The following CATSPERT variants were observed in gnomAD, a reference collection of about 807,000 sequenced individuals.
The protein encoded by CATSPERT is cation channel sperm-associated targeting subunit tau.
At chr2:201,613,111 T>G in the CATSPERT span, among the ~76,000 whole-genome samples, 1 of 152,304 alleles carries the variant, frequency 6.6e-6, no homozygotes, top group East Asian at 1.9e-4. Context: ...CTCTGTAGAC[T>G]CCACCTCTGG....
the CATSPERT span, among the ~76,000 whole-genome samples, chr2:201,580,615 G>A: frequency 2.0e-5 from 3 of 152,122 alleles, no homozygotes; most frequent in African/African-American, 7.2e-5. Context: ...AAGTTATTCT[G>A]AAGTTGGGCA....
At chr2:201,591,124 G>A in the CATSPERT span, among the ~76,000 whole-genome samples, 1 of 151,698 alleles carries the variant, frequency 6.6e-6, no homozygotes, top group African/African-American at 2.4e-5. Flanking sequence ...TAGGTCTAAC[G>A]TTTTAAGTCT....
chr2:201,502,758 G>A, the CATSPERT span, among the ~76,000 whole-genome samples: 12 of 152,064 alleles, frequency 7.9e-5, no homozygotes, highest in Non-Finnish European at 1.5e-4. Flanking sequence ...GAGCTTCTCA[G>A]ATATGTGGGT....
At chr2:201,610,330 C>T in the CATSPERT span, among the ~76,000 whole-genome samples, 46 of 152,006 alleles carry the variant, frequency 3.0e-4, no homozygotes, top group Non-Finnish European at 5.9e-4. Context: ...TGGTGGCGGG[C>T]GCCTGTAGTC....
At chr2:201,600,022 G>T in the CATSPERT span, among the ~76,000 whole-genome samples, 2 of 152,156 alleles carry the variant, frequency 1.3e-5, no homozygotes, top group African/African-American at 2.4e-5. Flanking sequence ...TGTCTTCACA[G>T]TGTGGCGATT....
At chr2:201,583,286 T>A in the CATSPERT span, among the ~76,000 whole-genome samples, 5 of 152,220 alleles carry the variant, frequency 3.3e-5, no homozygotes, top group Admixed American at 3.3e-4. Flanking sequence ...CCAACCATCC[T>A]CCCAGAAAGC....
At chr2:201,592,251 G>A in the CATSPERT span, among the ~76,000 whole-genome samples, 2 of 150,804 alleles carry the variant, frequency 1.3e-5, no homozygotes, top group Non-Finnish European at 3.0e-5. Flanking sequence ...TGTGGTTTTT[G>A]TCTTTGGTTC....
At chr2:201,497,947 T>C in the CATSPERT span, among the ~76,000 whole-genome samples, 343 of 151,886 alleles carry the variant, frequency 2.3e-3, 3 homozygotes, top group African/African-American at 7.8e-3. Context: ...TTTGAGAAAA[T>C]ACAGAAAATA....
At chr2:201,496,068 A>G in the CATSPERT span, 1 of 763,884 alleles carries the variant, frequency 1.3e-6, no homozygotes, top group East Asian at 2.9e-5. Context: ...AAAATTTTTA[A>G]ACCTAAATAT....
chr2:201,494,009 C>T, the CATSPERT span: 4 of 1,536,290 alleles, frequency 2.6e-6, no homozygotes, highest in African/African-American at 1.4e-5. Context: ...ACTTGACCAC[C>T]TTCTAAAAGT....
the CATSPERT span, among the ~76,000 whole-genome samples, chr2:201,580,152 A>G: frequency 6.6e-6 from 1 of 152,202 alleles, no homozygotes; most frequent in Non-Finnish European, 1.5e-5. Context: ...AGCCAGGTTA[A>G]ACATTTTTGA....
chr2:201,565,839 T>C, the CATSPERT span: 1 of 1,609,914 alleles, frequency 6.2e-7, no homozygotes. Flanking sequence ...ATAAGAATGC[T>C]GGATATTCTA....
the CATSPERT span, among the ~76,000 whole-genome samples, chr2:201,518,263 A>G: frequency 1.1e-4 from 16 of 152,222 alleles, no homozygotes; most frequent in African/African-American, 3.9e-4. Context: ...TTTGACTGCC[A>G]AAAGGACTGC....
the CATSPERT span, among the ~76,000 whole-genome samples, chr2:201,541,175 T>C: frequency 6.6e-6 from 1 of 152,164 alleles, no homozygotes; most frequent in African/African-American, 2.4e-5. Context: ...TTTCTTGAGA[T>C]GGAATCTACT....
At chr2:201,559,848 A>G in the CATSPERT span, among the ~76,000 whole-genome samples, 1 of 152,208 alleles carries the variant, frequency 6.6e-6, no homozygotes, top group South Asian at 2.1e-4. Context: ...ATGCATAGAA[A>G]TCAATGTAGG....
At chr2:201,501,674 A>G in the CATSPERT span, among the ~76,000 whole-genome samples, 5 of 152,178 alleles carry the variant, frequency 3.3e-5, no homozygotes, top group Non-Finnish European at 7.4e-5. Flanking sequence ...AGAAAAAAAG[A>G]AAGACTCAAA....
the CATSPERT span, among the ~76,000 whole-genome samples, chr2:201,518,163 T>C: frequency 4.0e-4 from 61 of 152,310 alleles, no homozygotes; most frequent in African/African-American, 1.3e-3. Context: ...ACATGCCACA[T>C]CCTGTGCCCA....
the CATSPERT span, among the ~76,000 whole-genome samples, chr2:201,606,201 A>G: frequency 1.3e-5 from 2 of 152,250 alleles, no homozygotes; most frequent in African/African-American, 4.8e-5. Context: ...AGGACTCACC[A>G]TGTGTCTAGA....
chr2:201,541,534 TATATATATA>T, the CATSPERT span, among the ~76,000 whole-genome samples: 20 of 15,954 alleles, frequency 1.3e-3, 1 homozygote, highest in Admixed American at 5.9e-3. Context: ...GATGATTTTA[TATATATATA>T]TATATATATA....
Sources: allele counts gnomAD v4.1 joint callset (sites outside exome capture counted in the v4.1 genomes callset), GRCh38; gene constraint gnomAD v4.1.1; transcripts MANE v1.5; gene names NCBI Gene and HGNC (gene_info 2026-07-23, HGNC 2026-07-21).